The following BAZ2B variants were observed in gnomAD, a reference collection of about 807,000 sequenced individuals.
BAZ2B encodes bromodomain adjacent to zinc finger domain 2B.
BAZ2B carries 91 observed loss-of-function variants against 246.0 expected under a neutral mutation model. The observed-to-expected ratio is 0.37, with a 90% CI of 0.31 to 0.44. BAZ2B has a LOEUF of 0.44. Ranked by LOEUF, BAZ2B falls within the 20% of genes least tolerant of loss-of-function variation. BAZ2B has a pLI of 1.00. For missense variants in BAZ2B, 2,332 were observed against 2,533.7 expected, an observed-to-expected ratio of 0.92 and a Z score of 1.71; for synonymous variants, 855 against 860.0, an observed-to-expected ratio of 0.99 and a Z score of 0.10.
At position 159,440,548 on chromosome 2, in the gene BAZ2B, G is replaced by A. The variant is rs1369396558; in HGVS notation, c.697-1336C>T. Among the ~76,000 whole-genome samples, 7 of 139,550 alleles carry A rather than the reference G, an allele frequency of 5.0e-5. No individual in the cohort carries two copies. In the East Asian group the frequency reaches 1.0e-3, roughly 21 times the overall value. 91.6% of individuals were successfully genotyped at this position (139,550 alleles called of 152,430 possible). A position where few individuals can be genotyped will look rare whatever the true frequency, so the allele number is the denominator to read the frequency against. On this transcript the variant is annotated intron_variant, in intron 6 of 36. Coordinates refer to ENST00000392783, the MANE Select transcript of BAZ2B (RefSeq NM_013450.4). Reference sequence around the variant, plus strand: ...TTTTTTTTTTTTCGGGGACAGTCTCGCTCTGTCGCCCAGGCTGGAGTACAG... The same window carrying A: ...TTTTTTTTTTTTCGGGGACAGTCTCACTCTGTCGCCCAGGCTGGAGTACAG...
intron 31 of BAZ2B, among the ~76,000 whole-genome samples, chr2:159,340,994 A>G (rs1029055170): frequency 6.6e-6 from 1 of 152,202 alleles, no homozygotes; most frequent in Non-Finnish European, 1.5e-5. Context: ...AAAGCAATCA[A>G]TAAAATGACA....
chr2:159,331,362 C>CTTAT (rs758626158), intron 34 of BAZ2B, among the ~76,000 whole-genome samples: 4 of 151,946 alleles, frequency 2.6e-5, no homozygotes, highest in Non-Finnish European at 1.5e-5. Context: ...CCTCTAACAC[C>CTTAT]TTATTTATTT....
At chr2:159,405,223 T>C (rs1213695584) in intron 14 of BAZ2B, 109 bp from the exon 15 acceptor site, 9 of 994,062 alleles carry the variant, frequency 9.1e-6, no homozygotes, top group Non-Finnish European at 1.3e-5. Context: ...TTATTACTTT[T>C]TTTTTTGAGA....
At chr2:159,321,384 T>C (rs1044196128) in intron 36 of BAZ2B, among the ~76,000 whole-genome samples, 30 of 152,284 alleles carry the variant, frequency 2.0e-4, no homozygotes, top group African/African-American at 6.5e-4. Context: ...TACCATGTGA[T>C]CCAGCAATCC....
At chr2:159,465,282 A>C (rs142409809) in intron 3 of BAZ2B, among the ~76,000 whole-genome samples, 40 of 152,078 alleles carry the variant, frequency 2.6e-4, no homozygotes, top group Non-Finnish European at 4.6e-4. Flanking sequence ...AAAATACTGG[A>C]TATGTATTGG....
At chr2:159,655,226 C>G in the BAZ2B span, among the ~76,000 whole-genome samples, 1 of 152,114 alleles carries the variant, frequency 6.6e-6, no homozygotes, top group African/African-American at 2.4e-5. Flanking sequence ...ATGGCAAAAC[C>G]CTGTCTCTGC....
At chr2:159,316,274 C>T (rs2062103912), downstream of BAZ2B, among the ~76,000 whole-genome samples, 2 of 152,152 alleles carry the variant, frequency 1.3e-5, no homozygotes, top group South Asian at 2.1e-4. Context: ...AAAAAAATTC[C>T]TTTTTTTGTA....
At chr2:159,463,361 T>C (rs59047739) in intron 3 of BAZ2B, 14,948 of 208,372 alleles carry the variant, frequency 0.072, 762 homozygotes, top group Middle Eastern at 0.16. Flanking sequence ...CAGACATCTC[T>C]TAGACAAACT....
intron 1 of BAZ2B, among the ~76,000 whole-genome samples, chr2:159,566,312 T>C (rs1458944266): frequency 6.6e-6 from 1 of 152,074 alleles, no homozygotes; most frequent in African/African-American, 2.4e-5. Context: ...CGCCTGGCAA[T>C]GTTGACATAT....
chr2:159,489,139 T>C (rs1354417920), intron 2 of BAZ2B, among the ~76,000 whole-genome samples: 1 of 152,170 alleles, frequency 6.6e-6, no homozygotes, highest in Non-Finnish European at 1.5e-5. Flanking sequence ...TGATGTCCAA[T>C]ATGTTACACC....
rs114663534 is a variant in BAZ2B, at chr2:159,509,119, A to T, written c.-2-30398T>A. ...CAAAAATGCTGAATGAAATCATTAT[A>T]GTCCTCTCTCTCACTTATAAAATAT... is the stretch of plus-strand genomic sequence containing the variant. On this transcript the variant is annotated intron_variant, in intron 2 of 36. Coordinates refer to ENST00000392783, the MANE Select transcript of BAZ2B (RefSeq NM_013450.4). Among the ~76,000 whole-genome samples, 1,226 of 152,292 alleles carry T rather than the reference A, an allele frequency of 8.1e-3. 13 individuals are homozygous for T. Among genetic ancestry groups the T allele is most frequent in the African/African-American group, 0.027 (1,136 of 41,582 alleles).
the BAZ2B span, among the ~76,000 whole-genome samples, chr2:159,707,027 C>T: frequency 1.3e-5 from 2 of 152,164 alleles, no homozygotes; most frequent in Admixed American, 6.5e-5. Context: ...TCCACAATTA[C>T]GTGAGCTAAT....
At chr2:159,366,003 G>A (rs2060182513) in intron 27 of BAZ2B, among the ~76,000 whole-genome samples, 1 of 152,198 alleles carries the variant, frequency 6.6e-6, no homozygotes, top group South Asian at 2.1e-4. Flanking sequence ...ATACTCAACT[G>A]TGGAGGACCT....
chr2:159,680,962 A>T, the BAZ2B span, among the ~76,000 whole-genome samples: 1 of 152,150 alleles, frequency 6.6e-6, no homozygotes, highest in Non-Finnish European at 1.5e-5. Context: ...TACAAAATCT[A>T]TTGGTAGAAT....
intron 13 of BAZ2B, among the ~76,000 whole-genome samples, chr2:159,415,920 T>C (rs1179706374): frequency 1.3e-5 from 2 of 152,102 alleles, no homozygotes; most frequent in African/African-American, 4.8e-5. Flanking sequence ...CTATCTCATA[T>C]GGTGGGTTTT....
Position 159,348,840 on chromosome 2 carries a change from C to A in BAZ2B, c.5138-7G>T. 6.3e-7 allele frequency: 1 copy of A among 1,585,484 alleles called. No homozygotes were observed. Among genetic ancestry groups the A allele is most frequent in the Non-Finnish European group, 8.5e-7 (1 of 1,172,872 alleles). ...CACCAACCAAACTGCATTTCTAAGT[C>A]AAGATAAATAAGTAGAACTTTTACA... On this transcript the variant is annotated splice_polypyrimidine_tract_variant and splice_region_variant and intron_variant, in intron 29 of 36. Coordinates refer to ENST00000392783, the MANE Select transcript of BAZ2B (RefSeq NM_013450.4).
chr2:159,691,455 GTTA>G, the BAZ2B span, among the ~76,000 whole-genome samples: 24 of 135,026 alleles, frequency 1.8e-4, no homozygotes, highest in African/African-American at 3.1e-4. Flanking sequence ...TAGAGAAAAG[GTTA>G]TTAAGAAAAT....
chr2:159,345,840 T>G (rs1388487802), intron 31 of BAZ2B, among the ~76,000 whole-genome samples: 1 of 152,220 alleles, frequency 6.6e-6, no homozygotes, highest in African/African-American at 2.4e-5. Flanking sequence ...TTAGGTTAGG[T>G]GCAAAACCTC....
At chr2:159,375,933 GT>G (rs1228687247) in intron 25 of BAZ2B, among the ~76,000 whole-genome samples, 3 of 152,154 alleles carry the variant, frequency 2.0e-5, no homozygotes, top group Non-Finnish European at 2.9e-5. Context: ...AACACATTGA[GT>G]TTTTAGAATA....
Sources: allele counts gnomAD v4.1 joint callset (sites outside exome capture counted in the v4.1 genomes callset), GRCh38; gene constraint gnomAD v4.1.1; transcripts MANE v1.5; gene names NCBI Gene and HGNC (gene_info 2026-07-23, HGNC 2026-07-21).